NAA11: variants seen among roughly 807,000 people sequenced by gnomAD.
The protein encoded by NAA11 is N-alpha-acetyltransferase 11, NatA catalytic subunit.
In NAA11, 15 loss-of-function variants were observed where a neutral mutation model predicts 16.1. The ratio of observed to expected loss-of-function variants is 0.93; its 90% confidence interval spans 0.62 to 1.44. The LOEUF (loss-of-function observed/expected upper bound fraction) is 1.44, where lower values mean the gene tolerates loss of function less well. NAA11 is among the 40% of genes most tolerant of loss of function. The pLI is 0.00. For missense variants in NAA11, 298 were observed against 291.3 expected (o/e 1.02, Z -0.17); for synonymous variants, 122 against 112.4 (o/e 1.09, Z -0.54).
intron 1 of NAA11, among the ~76,000 whole-genome samples, chr4:79,307,524 A>T (rs957989707): frequency 6.6e-6 from 1 of 152,168 alleles, no homozygotes; most frequent in Non-Finnish European, 1.5e-5. Flanking sequence ...AAAGCTACAT[A>T]TGATTTCTGG....
the NAA11 span, among the ~76,000 whole-genome samples, chr4:79,201,317 T>C: frequency 6.6e-6 from 1 of 151,686 alleles, no homozygotes; most frequent in African/African-American, 2.4e-5. Context: ...TTTATACACA[T>C]AGCAAAATTT....
chr4:79,325,593 G>GATA lies in NAA11; in HGVS notation c.284_285insTAT (p.Ser95_Arg96insIle). Reference sequence around the variant, plus strand: ...CGTTAAAGTTCTCTATCATGGCCCTGGAGGCCTGGTCCATCAGCTTCTGGG... The same window carrying GATA: ...CGTTAAAGTTCTCTATCATGGCCCTGATAGAGGCCTGGTCCATCAGCTTCTGGG... On this transcript the variant is annotated inframe_insertion, in exon 1 of 2. Coordinates refer to ENST00000286794, the MANE Select transcript of NAA11 (RefSeq NM_032693.3). 1 of 1,614,096 alleles carries GATA rather than the reference G, an allele frequency of 6.2e-7. No homozygotes were observed. Among genetic ancestry groups the GATA allele is most frequent in the Non-Finnish European group, 8.5e-7 (1 of 1,179,952 alleles).
intron 1 of NAA11, among the ~76,000 whole-genome samples, chr4:79,310,838 G>A (rs1723750721): frequency 1.3e-5 from 2 of 152,180 alleles, no homozygotes; most frequent in Admixed American, 1.3e-4. Flanking sequence ...TTAACTATGG[G>A]AAGAAGTAGC....
At chr4:79,303,103 T>C (rs1560463152) in intron 1 of NAA11, among the ~76,000 whole-genome samples, 1 of 124,294 alleles carries the variant, frequency 8.0e-6, no homozygotes, top group African/African-American at 3.2e-5. Context: ...TATATATATA[T>C]ATATATATAT....
downstream of NAA11, among the ~76,000 whole-genome samples, chr4:79,312,146 A>T (rs1232829771): frequency 6.6e-6 from 1 of 152,138 alleles, no homozygotes; most frequent in Non-Finnish European, 1.5e-5. Context: ...TTTATTAAAG[A>T]CCTCCTTATA....
intron 1 of NAA11, among the ~76,000 whole-genome samples, chr4:79,323,865 A>G (rs960534005): frequency 2.7e-5 from 4 of 148,058 alleles, no homozygotes; most frequent in African/African-American, 1.0e-4. Context: ...TAGCCAGGCG[A>G]GGTGGCGGGC....
chr4:79,289,782 T>G (rs575247570), intron 2 of NAA11, among the ~76,000 whole-genome samples: 1 of 152,360 alleles, frequency 6.6e-6, no homozygotes, highest in Admixed American at 6.5e-5. Flanking sequence ...CAGCAACATT[T>G]TACCTCAATT....
chr4:79,170,630 A>G, the NAA11 span, among the ~76,000 whole-genome samples: 1 of 152,194 alleles, frequency 6.6e-6, no homozygotes, highest in Non-Finnish European at 1.5e-5. Context: ...GAAAGTTTGC[A>G]TATGAAGGCC....
chr4:79,222,831 G>A (rs1220510905), downstream of NAA11, among the ~76,000 whole-genome samples: 2 of 151,512 alleles, frequency 1.3e-5, no homozygotes, highest in African/African-American at 2.4e-5. Flanking sequence ...AAAAGTGGGT[G>A]AAGGATATGA....
chr4:79,169,876 A>G, the NAA11 span, among the ~76,000 whole-genome samples: 10 of 152,222 alleles, frequency 6.6e-5, no homozygotes, highest in Non-Finnish European at 7.3e-5. Flanking sequence ...TGTATGTGAC[A>G]TGGATCCAAA....
chr4:79,177,171 A>G, the NAA11 span, among the ~76,000 whole-genome samples: 7 of 149,714 alleles, frequency 4.7e-5, no homozygotes, highest in African/African-American at 1.5e-4. Flanking sequence ...TATTTTTTTT[A>G]CCAAGGCAGT....
the NAA11 span, among the ~76,000 whole-genome samples, chr4:79,219,422 T>C: frequency 6.6e-6 from 1 of 152,186 alleles, no homozygotes; most frequent in East Asian, 1.9e-4. Flanking sequence ...CAAGCTGTTA[T>C]GATATTGGCT....
intron 2 of NAA11, among the ~76,000 whole-genome samples, chr4:79,228,185 G>T (rs1005758514): frequency 1.3e-5 from 2 of 151,776 alleles, no homozygotes; most frequent in Admixed American, 1.3e-4. Flanking sequence ...TTTGTTTTCT[G>T]GCCTGAGTAT....
chr4:79,286,552 C>G (rs942752940), intron 2 of NAA11, among the ~76,000 whole-genome samples: 1 of 152,066 alleles, frequency 6.6e-6, no homozygotes, highest in Non-Finnish European at 1.5e-5. Flanking sequence ...GTTATCAGAT[C>G]TGAGAATCTC....
At chr4:79,215,474 C>A in the NAA11 span, among the ~76,000 whole-genome samples, 1 of 152,194 alleles carries the variant, frequency 6.6e-6, no homozygotes, top group East Asian at 1.9e-4. Context: ...TTCATCCCAG[C>A]AAATCATGTT....
the NAA11 span, among the ~76,000 whole-genome samples, chr4:79,167,268 T>TAGAGAGAGAG: frequency 1.4e-3 from 165 of 115,870 alleles, 1 homozygote; most frequent in African/African-American, 5.2e-3. Flanking sequence ...TATATATATA[T>TAGAGAGAGAG]ATAGAGAGAG....
chr4:79,175,760 A>G, the NAA11 span, among the ~76,000 whole-genome samples: 1 of 151,816 alleles, frequency 6.6e-6, no homozygotes, highest in Admixed American at 6.6e-5. Context: ...AAAAAAAAAA[A>G]AAAAGATACC....
chr4:79,207,582 A>G, the NAA11 span, among the ~76,000 whole-genome samples: 4 of 152,044 alleles, frequency 2.6e-5, no homozygotes, highest in African/African-American at 9.7e-5. Context: ...TAGTCTTCAG[A>G]GTTATGAGAA....
At chr4:79,277,652 C>T (rs1405963535) in intron 2 of NAA11, among the ~76,000 whole-genome samples, 1 of 152,064 alleles carries the variant, frequency 6.6e-6, no homozygotes, top group Non-Finnish European at 1.5e-5. Flanking sequence ...ATTCCAATCA[C>T]CTGCTCCACC....
Sources: allele counts gnomAD v4.1 joint callset (sites outside exome capture counted in the v4.1 genomes callset), GRCh38; gene constraint gnomAD v4.1.1; transcripts MANE v1.5; gene names NCBI Gene and HGNC (gene_info 2026-07-23, HGNC 2026-07-21).